Variants in ANTXR2 observed in about 807,000 individuals in gnomAD.
ANTXR2 encodes anthrax toxin receptor 2.
Under a neutral mutation model 73.7 loss-of-function variants are expected in ANTXR2, and 44 were observed. That is an observed-to-expected ratio of 0.60 (90% CI 0.47 to 0.77). The LOEUF (loss-of-function observed/expected upper bound fraction) is 0.77, where lower values mean the gene tolerates loss of function less well. ANTXR2 is among the 30% of genes least tolerant of loss of function. The pLI is 0.00. For synonymous variants in ANTXR2, 217 were observed against 205.9 expected (o/e 1.05, Z -0.46); for missense variants, 604 against 592.5 (o/e 1.02, Z -0.20).
chr4:79,920,200 A>T (rs1031797305), intron 16 of ANTXR2, among the ~76,000 whole-genome samples: 1 of 152,026 alleles, frequency 6.6e-6, no homozygotes, highest in African/African-American at 2.4e-5. Context: ...ACTAAAAACA[A>T]ATCTAGGACT....
intron 16 of ANTXR2, among the ~76,000 whole-genome samples, chr4:79,927,311 C>CACACACACACAT (rs1302461907): frequency 1.3e-5 from 2 of 151,696 alleles, no homozygotes; most frequent in Non-Finnish European, 2.9e-5. Flanking sequence ...CACACACACA[C>CACACACACACAT]GCACTCACCT....
At chr4:80,070,205 T>C (rs947645084) in intron 2 of ANTXR2, among the ~76,000 whole-genome samples, 1 of 152,176 alleles carries the variant, frequency 6.6e-6, no homozygotes, top group Non-Finnish European at 1.5e-5. Context: ...AAACTGAAAA[T>C]CAGAATCCTC....
chr4:79,913,590 G>A (rs769358887), intron 16 of ANTXR2, among the ~76,000 whole-genome samples: 1 of 152,000 alleles, frequency 6.6e-6, no homozygotes, highest in Non-Finnish European at 1.5e-5. Context: ...ATTTCTCTAT[G>A]CAATTAACAA....
At chr4:79,998,592 C>G (rs1019342083) in intron 12 of ANTXR2, among the ~76,000 whole-genome samples, 1 of 151,952 alleles carries the variant, frequency 6.6e-6, no homozygotes, top group Non-Finnish European at 1.5e-5. Flanking sequence ...ATGAAAACAT[C>G]CATAATTTCT....
intron 12 of ANTXR2, among the ~76,000 whole-genome samples, chr4:79,993,254 G>A (rs1730557130): frequency 2.0e-5 from 3 of 151,120 alleles, no homozygotes; most frequent in Non-Finnish European, 1.5e-5. Context: ...AGAAAAGGAG[G>A]GAGGAAGGGA....
chr4:80,036,662 A>G (rs1195078858), intron 7 of ANTXR2, among the ~76,000 whole-genome samples: 1 of 151,950 alleles, frequency 6.6e-6, no homozygotes, highest in Non-Finnish European at 1.5e-5. Flanking sequence ...TGAGCCAGGT[A>G]TGGTGGCTCG....
At chr4:80,055,869 T>C in intron 4 of ANTXR2, 63 bp downstream of exon 4, 12 of 1,228,562 alleles carry the variant, frequency 9.8e-6, no homozygotes, top group Non-Finnish European at 1.4e-5. Flanking sequence ...TGCTAGAGGG[T>C]TTTATTTCAC....
intron 7 of ANTXR2, among the ~76,000 whole-genome samples, chr4:80,051,133 A>G (rs144323356): frequency 3.4e-4 from 51 of 151,826 alleles, no homozygotes; most frequent in African/African-American, 1.2e-3. Context: ...AAGGCCTCCC[A>G]TAACTTCGCA....
At chr4:79,995,746 A>G (rs1454469852) in intron 12 of ANTXR2, among the ~76,000 whole-genome samples, 2 of 151,998 alleles carry the variant, frequency 1.3e-5, no homozygotes, top group Non-Finnish European at 2.9e-5. Flanking sequence ...TTTTGTGTGA[A>G]TAATTCATGA....
chr4:79,998,174 C>T (rs917703628), intron 12 of ANTXR2, among the ~76,000 whole-genome samples: 3 of 151,910 alleles, frequency 2.0e-5, no homozygotes, highest in Admixed American at 1.3e-4. Flanking sequence ...GACATATCAT[C>T]ATCGCGTGAG....
At chr4:79,918,322 T>C (rs991083444) in intron 16 of ANTXR2, among the ~76,000 whole-genome samples, 1 of 152,042 alleles carries the variant, frequency 6.6e-6, no homozygotes, top group African/African-American at 2.4e-5. Flanking sequence ...CTTCCTAGAA[T>C]TGATAGAAGA....
Position 79,986,031 on chromosome 4 carries a change from A to G in ANTXR2, c.1042-1168T>C, listed in dbSNP as rs1560943599. Among the ~76,000 whole-genome samples the G allele has an allele frequency of 2.0e-5, 3 of 151,872 alleles. No individual in the cohort carries two copies. The South Asian group carries it at 6.2e-4, about 32-fold the overall frequency. ...TAATTTTTTTGTATTTTTGGTAAAG[A>G]CGGGGTTTCACCATATTGGCCAGGC... On this transcript the variant is annotated intron_variant, in intron 12 of 16. Transcript: ENST00000403729.
rs566070695 is a variant in ANTXR2, at chr4:79,924,366, C to A, written c.1429-16899G>T. On this transcript the variant is annotated intron_variant, in intron 16 of 16. Transcript: ENST00000403729. ...AGGCCAGGTGCAAAGTGACTCAAGC[C>A]TGTAATTCCAGAACTTTGGGAGGCC... Among the ~76,000 whole-genome samples the A allele has an allele frequency of 2.5e-3, 388 of 152,160 alleles. 3 individuals are homozygous for A. The highest frequency in any genetic ancestry group is 8.7e-3 in the African/African-American group (363 of 41,518).
Position 79,903,315 on chromosome 4 carries a change from TCATAGAAAACA to T in ANTXR2, c.*4103_*4113del, listed in dbSNP as rs1726779358. On this transcript the variant is annotated 3_prime_UTR_variant, in exon 17 of 17. Transcript: ENST00000403729. ...TACCTGATTCCTAAGCTAAGACTCT[TCATAGAAAACA>T]CATTGAGTCAATTCTCCCTCTGTTT... 1 of 151,992 alleles carries T rather than the reference TCATAGAAAACA, an allele frequency of 6.6e-6. No homozygotes were observed. The highest frequency in any genetic ancestry group is 2.1e-4 in the South Asian group (1 of 4,810). The allele number at this position is 151,992 out of a possible 1,614,324, so 9.4% of individuals were successfully genotyped here. A position where few individuals can be genotyped will look rare whatever the true frequency, so the allele number is the denominator to read the frequency against.
At chr4:79,981,844 C>T (rs928377390) in intron 14 of ANTXR2, among the ~76,000 whole-genome samples, 1 of 152,132 alleles carries the variant, frequency 6.6e-6, no homozygotes, top group African/African-American at 2.4e-5. Flanking sequence ...AGATTTATTA[C>T]AAGTTGGCTG....
intron 16 of ANTXR2, among the ~76,000 whole-genome samples, chr4:79,912,177 C>T (rs1727170295): frequency 6.6e-6 from 1 of 151,648 alleles, no homozygotes; most frequent in African/African-American, 2.4e-5. Context: ...TAAGGTTCGG[C>T]AGAATAAAGA....
intron 16 of ANTXR2, among the ~76,000 whole-genome samples, chr4:79,937,034 G>A (rs1487988131): frequency 6.8e-6 from 1 of 147,704 alleles, no homozygotes; most frequent in African/African-American, 2.5e-5. Context: ...TTGTTGCAAA[G>A]AAGAAAAATG....
intron 16 of ANTXR2, among the ~76,000 whole-genome samples, chr4:79,954,966 G>A (rs1442596094): frequency 6.6e-6 from 1 of 152,142 alleles, no homozygotes; most frequent in Non-Finnish European, 1.5e-5. Flanking sequence ...GACCCAATGG[G>A]AGAACAGTTC....
chr4:80,069,526 G>A lies in ANTXR2; in HGVS notation c.225-19C>T. On this transcript the variant is annotated intron_variant, in intron 2 of 16. Transcript: ENST00000403729. ...TTCAGGGCTGCAAAATAAGAAAAGA[G>A]GCAGTTAAAACATTTTTAAAAAGAA... 6.4e-7 allele frequency: 1 copy of A among 1,553,488 alleles called. No homozygotes were observed. Among genetic ancestry groups the A allele is most frequent in the South Asian group, 1.2e-5 (1 of 85,580 alleles).
Sources: gnomAD v4.1 joint callset for allele counts (sites outside exome capture counted in the v4.1 genomes callset) on GRCh38, gnomAD v4.1.1 for gene constraint, MANE v1.5 for transcripts, NCBI Gene and HGNC (gene_info 2026-07-23, HGNC 2026-07-21) for gene names.